The following LRSAM1 variants were observed in gnomAD, a reference collection of about 807,000 sequenced individuals.
The protein encoded by LRSAM1 is E3 ubiquitin-protein ligase LRSAM1.
In LRSAM1, 96 loss-of-function variants were observed where a neutral mutation model predicts 118.1. That is an observed-to-expected ratio of 0.81 (90% CI 0.69 to 0.96). The LOEUF is 0.96. LRSAM1 is among the 40% of genes least tolerant of loss of function. The probability of loss-of-function intolerance (pLI) is 0.00; values close to 1 mark genes in which losing one functional copy is unlikely to be tolerated. For missense variants in LRSAM1, 804 were observed against 915.5 expected, an observed-to-expected ratio of 0.88 and a Z score of 1.57; for synonymous variants, 322 against 364.2, an observed-to-expected ratio of 0.88 and a Z score of 1.32.
At chr9:127,466,515 T>TTA (rs1834954221) in intron 9 of LRSAM1, among the ~76,000 whole-genome samples, 1 of 88,934 alleles carries the variant, frequency 1.1e-5, no homozygotes, top group Admixed American at 1.6e-4. Flanking sequence ...TTTTTTTTTT[T>TTA]TTTTTTTTTT....
chr9:127,490,179 G>A (rs1306690821), intron 19 of LRSAM1, among the ~76,000 whole-genome samples: 1 of 152,222 alleles, frequency 6.6e-6, no homozygotes, highest in African/African-American at 2.4e-5. Flanking sequence ...CAGGCTATGG[G>A]AGTACTCCTG....
At chr9:127,456,329 G>C (rs1260042031) in intron 5 of LRSAM1, among the ~76,000 whole-genome samples, 1 of 151,770 alleles carries the variant, frequency 6.6e-6, no homozygotes, top group East Asian at 1.9e-4. Flanking sequence ...CGCCTCCTGG[G>C]TTCAAGCAAT....
chr9:127,458,956 T>C (rs1834631515), intron 6 of LRSAM1, 47 bp from the exon 7 acceptor site: 1 of 1,605,708 alleles, frequency 6.2e-7, no homozygotes, highest in African/African-American at 1.3e-5. Context: ...GCCCGGAGTC[T>C]GAGGGACTTT....
At chr9:127,489,044 C>A (rs1835832739) in intron 18 of LRSAM1, among the ~76,000 whole-genome samples, 1 of 152,168 alleles carries the variant, frequency 6.6e-6, no homozygotes, top group Admixed American at 6.6e-5. Flanking sequence ...ATCTGTGGAG[C>A]TTGTCTGAGG....
intron 17 of LRSAM1, among the ~76,000 whole-genome samples, chr9:127,487,140 C>T (rs1172842035): frequency 6.7e-6 from 1 of 149,150 alleles, no homozygotes; most frequent in Non-Finnish European, 1.5e-5. Flanking sequence ...GCCACGATCA[C>T]ACCACTGCAC....
chr9:127,479,404 C>T lies in LRSAM1; in HGVS notation c.802C>T (p.Leu268Phe), dbSNP rs747405179. The change falls in exon 13 of 26, where the codon CTC (leucine) becomes TTC (phenylalanine). Residue 268 changes from leucine to phenylalanine, a missense_variant. Physicochemically the swap from Leu to Phe is conservative, Grantham distance 22 (BLOSUM62 0). Transcript: ENST00000300417. The stretch of plus-strand genomic sequence containing the variant: ...GCAGGAACAGAAGATGCTGGAGAAA[C>T]TCGAGTTTGAACGGCGCCTGGAACT... ...KRKEQKMLEK[L>F]EFERRLELGQ... 1 of 1,614,196 alleles carries T rather than the reference C, an allele frequency of 6.2e-7. No individual in the cohort carries two copies. The highest frequency in any genetic ancestry group is 1.7e-5 in the Admixed American group (1 of 60,016).
chr9:127,483,886 C>T (rs1489811766), intron 16 of LRSAM1, among the ~76,000 whole-genome samples: 1 of 152,144 alleles, frequency 6.6e-6, no homozygotes, highest in Non-Finnish European at 1.5e-5. Flanking sequence ...TGCTCTTGAA[C>T]TCCTGACCTC....
chr9:127,488,954 C>T lies in LRSAM1; in HGVS notation c.1348-490C>T, dbSNP rs1173808427. On this transcript the variant is annotated intron_variant, in intron 18 of 25. Coordinates refer to ENST00000300417, the MANE Select transcript of LRSAM1 (RefSeq NM_001005373.4). Reference sequence around the variant, plus strand: ...TCCCTTCTTCCCTCGCCTTTCTCCCCTGTCCTCTGCGTGTTTGTCATCCCA... The same window carrying T: ...TCCCTTCTTCCCTCGCCTTTCTCCCTTGTCCTCTGCGTGTTTGTCATCCCA... Among the ~76,000 whole-genome samples, 4 of 152,160 alleles carry T rather than the reference C, an allele frequency of 2.6e-5. No individual in the cohort carries two copies. The East Asian group carries it at 5.8e-4, about 22-fold the overall frequency.
At position 127,461,335 on chromosome 9, in the gene LRSAM1, G is replaced by A. The variant is rs546701859; in HGVS notation, c.406+78G>A. 2,169 of 1,337,104 alleles carry A rather than the reference G, an allele frequency of 1.6e-3. 7 individuals are homozygous for A. The highest frequency in any genetic ancestry group is 1.7e-3 in the Non-Finnish European group (1,601 of 942,342). 82.8% of individuals were successfully genotyped at this position (1,337,104 alleles called of 1,614,324 possible). A position where few individuals can be genotyped will look rare whatever the true frequency, so the allele number is the denominator to read the frequency against. On this transcript the variant is annotated intron_variant, in intron 8 of 25. Transcript: ENST00000300417. ...CTGGCCGGGATCCACAGGCTGCCCCGCCCGGGAGCCATTGAGCAGGAGGGC... is the reference window on the plus strand; with the variant it reads ...CTGGCCGGGATCCACAGGCTGCCCCACCCGGGAGCCATTGAGCAGGAGGGC...
At chr9:127,486,892 C>T (rs1393475796) in intron 17 of LRSAM1, among the ~76,000 whole-genome samples, 1 of 152,050 alleles carries the variant, frequency 6.6e-6, no homozygotes, top group Non-Finnish European at 1.5e-5. Flanking sequence ...TAAACAAAGC[C>T]AAGATGGTGG....
intron 10 of LRSAM1, among the ~76,000 whole-genome samples, chr9:127,472,384 A>G (rs1252231995): frequency 1.3e-5 from 2 of 152,090 alleles, no homozygotes; most frequent in African/African-American, 4.8e-5. Context: ...ACTCACACCT[A>G]TAATCCCATA....
chr9:127,482,140 CTTTT>C (rs769821359), intron 15 of LRSAM1, among the ~76,000 whole-genome samples: 3 of 117,938 alleles, frequency 2.5e-5, no homozygotes, highest in Admixed American at 8.6e-5. Context: ...TTTAGTATAT[CTTTT>C]TTTTTTTTTT....
chr9:127,460,435 C>G (rs966149567), intron 7 of LRSAM1, among the ~76,000 whole-genome samples: 11 of 152,358 alleles, frequency 7.2e-5, no homozygotes, highest in African/African-American at 2.6e-4. Context: ...CGGCCTGAGG[C>G]CTTGGGTGGA....
intron 16 of LRSAM1, among the ~76,000 whole-genome samples, chr9:127,484,802 CT>C (rs200817114): frequency 0.054 from 3,315 of 61,202 alleles, 171 homozygotes; most frequent in African/African-American, 0.12. Context: ...TTTGATTTTT[CT>C]TTTTTTCTTT....
chr9:127,497,970 A>G (rs1330377462), intron 24 of LRSAM1, among the ~76,000 whole-genome samples: 2 of 152,250 alleles, frequency 1.3e-5, no homozygotes, highest in Non-Finnish European at 2.9e-5. Flanking sequence ...CATGTCCCCC[A>G]TCAGGTCCCA....
chr9:127,492,514 C>G (rs1049031718), intron 20 of LRSAM1, among the ~76,000 whole-genome samples: 1 of 152,250 alleles, frequency 6.6e-6, no homozygotes, highest in Admixed American at 6.5e-5. Flanking sequence ...GTCTGGGAGA[C>G]CAAAGGCAGG....
intron 19 of LRSAM1, among the ~76,000 whole-genome samples, chr9:127,489,864 A>AAAGCAGCCGGCGC (rs1835869377): frequency 6.6e-6 from 1 of 152,252 alleles, no homozygotes; most frequent in Non-Finnish European, 1.5e-5. Flanking sequence ...CCCACTGGGA[A>AAAGCAGCCGGCGC]AAGCAGCCGG....
At chr9:127,500,708 C>G (rs1836352085) in intron 24 of LRSAM1, among the ~76,000 whole-genome samples, 2 of 152,242 alleles carry the variant, frequency 1.3e-5, no homozygotes, top group African/African-American at 4.8e-5. Context: ...GTGCCAAGCC[C>G]TACTTGCAGG....
In LRSAM1 at chr9:127,479,542, A is replaced by T. The variant is rs549577500; in HGVS notation, c.903+37A>T. ...GCCTGCTAGGGTCCAGCCTGGCTGC[A>T]TCCCCCAGCCAGTGGCCTCCTGGCT... On this transcript the variant is annotated intron_variant, in intron 13 of 25. Coordinates refer to ENST00000300417, the MANE Select transcript of LRSAM1 (RefSeq NM_001005373.4). The T allele has an allele frequency of 4.3e-6, 7 of 1,609,216 alleles. No individual in the cohort carries two copies. In the South Asian group the frequency reaches 5.5e-5, roughly 13 times the overall value.
Sources: allele counts gnomAD v4.1 joint callset (sites outside exome capture counted in the v4.1 genomes callset), GRCh38; gene constraint gnomAD v4.1.1; transcripts MANE v1.5; gene names NCBI Gene and HGNC (gene_info 2026-07-23, HGNC 2026-07-21).